Variants in STXBP4 observed in about 807,000 individuals in gnomAD.
STXBP4 encodes syntaxin-binding protein 4.
A neutral mutation model predicts 76.1 loss-of-function variants in STXBP4; 55 were observed. That is an observed-to-expected ratio of 0.72 (90% CI 0.58 to 0.91). STXBP4 has a LOEUF of 0.91. Ranked by LOEUF, STXBP4 falls within the 40% of genes least tolerant of loss-of-function variation. STXBP4 has a pLI of 0.00. For missense variants in STXBP4, 618 were observed against 636.9 expected, an observed-to-expected ratio of 0.97 and a Z score of 0.32; for synonymous variants, 201 against 220.2, an observed-to-expected ratio of 0.91 and a Z score of 0.77.
intron 16 of STXBP4, among the ~76,000 whole-genome samples, chr17:55,105,690 G>A (rs990854308): frequency 5.3e-5 from 8 of 151,408 alleles, no homozygotes; most frequent in East Asian, 3.9e-4. Context: ...GTGTTAGCCC[G>A]GATGATCTCG....
intron 13 of STXBP4, among the ~76,000 whole-genome samples, chr17:55,074,876 G>A (rs1418348901): frequency 6.6e-6 from 1 of 151,352 alleles, no homozygotes; most frequent in East Asian, 1.9e-4. Flanking sequence ...CCCAATATCA[G>A]TGGAAAAAAA....
At chr17:55,076,685 A>G (rs940608173) in intron 13 of STXBP4, among the ~76,000 whole-genome samples, 49 of 152,122 alleles carry the variant, frequency 3.2e-4, no homozygotes, top group African/African-American at 1.1e-3. Flanking sequence ...TCGAAGAGCA[A>G]TGTCTTCTGC....
In STXBP4 at chr17:55,164,838, C is replaced by G. The variant is rs537009397; in HGVS notation, c.*4927C>G. On this transcript the variant is annotated 3_prime_UTR_variant, in exon 18 of 18. Transcript: ENST00000376352. ...TAGTGGGAGTAATAATGGGAGTCAG[C>G]TTCGTGAGGGCAGGGATTTTGTCTT... 6.6e-6 allele frequency: 1 copy of G among 152,502 alleles called. No individual in the cohort carries two copies. Among genetic ancestry groups the G allele is most frequent in the South Asian group, 2.1e-4 (1 of 4,810 alleles). 9.4% of individuals were successfully genotyped at this position (152,502 alleles called of 1,614,324 possible). A position where few individuals can be genotyped will look rare whatever the true frequency, so the allele number is the denominator to read the frequency against.
the STXBP4 span, among the ~76,000 whole-genome samples, chr17:55,186,273 A>G: frequency 6.6e-6 from 1 of 152,230 alleles, no homozygotes; most frequent in Non-Finnish European, 1.5e-5. Flanking sequence ...ATGCATTTAA[A>G]TAGTGAATGC....
At chr17:55,111,944 C>A (rs1362644329) in intron 16 of STXBP4, among the ~76,000 whole-genome samples, 1 of 152,082 alleles carries the variant, frequency 6.6e-6, no homozygotes, top group Non-Finnish European at 1.5e-5. Context: ...TAGAGATGAT[C>A]TAACTCTGTC....
At chr17:55,055,318 GAAC>G in intron 12 of STXBP4, among the ~76,000 whole-genome samples, 1 of 152,216 alleles carries the variant, frequency 6.6e-6, no homozygotes, top group Non-Finnish European at 1.5e-5. Context: ...AGAGAAAAAT[GAAC>G]AACTGTCTCC....
chr17:55,105,618 C>T (rs536953472), intron 16 of STXBP4, among the ~76,000 whole-genome samples: 182 of 151,640 alleles, frequency 1.2e-3, no homozygotes, highest in African/African-American at 3.9e-3. Context: ...GACAGGCACC[C>T]GCCACCACAC....
rs1461527471 is a variant in STXBP4, at chr17:55,164,898, G to C, written c.*4987G>C. 6.6e-6 allele frequency: 1 copy of C among 152,204 alleles called. No homozygotes were observed. The highest frequency in any genetic ancestry group is 1.5e-5 in the Non-Finnish European group (1 of 68,028). 9.4% of individuals were successfully genotyped at this position (152,204 alleles called of 1,614,324 possible). A position where few individuals can be genotyped will look rare whatever the true frequency, so the allele number is the denominator to read the frequency against. Reference sequence around the variant, plus strand: ...ATTTACTCACTTACACACTTACCGAGAGCTACTAGAGGCCAGACACTTCAC... The same window carrying C: ...ATTTACTCACTTACACACTTACCGACAGCTACTAGAGGCCAGACACTTCAC... On this transcript the variant is annotated 3_prime_UTR_variant, in exon 18 of 18. Coordinates refer to ENST00000376352, the MANE Select transcript of STXBP4 (RefSeq NM_178509.6).
rs1039544965 is a variant in STXBP4, at chr17:54,999,693, A to C, written c.349A>C (p.Asn117His). 1.2e-6 allele frequency: 2 copies of C among 1,613,640 alleles called. No homozygotes were observed. Among genetic ancestry groups the C allele is most frequent in the African/African-American group, 2.7e-5 (2 of 74,896 alleles). The change falls in exon 6 of 18, where the codon AAT becomes CAT. Residue 117 changes from asparagine to histidine, a missense_variant. By Grantham distance (68) the Asn-to-His change is moderately conservative (BLOSUM62 1). Transcript: ENST00000376352. ...RQKSDNIQPE[N>H]LSCTSLIEAS... ...AAAATCCGACAACATTCAGCCAGAA[A>C]ATCTGTCATGTACATCACTTATAGA...
At chr17:55,133,590 T>C (rs541365364) in intron 16 of STXBP4, among the ~76,000 whole-genome samples, 1 of 152,124 alleles carries the variant, frequency 6.6e-6, no homozygotes. Flanking sequence ...GAACCAAGCC[T>C]TGGAGCAGTC....
intron 12 of STXBP4, among the ~76,000 whole-genome samples, chr17:55,066,520 G>A (rs2079053436): frequency 6.6e-6 from 1 of 151,800 alleles, no homozygotes. Flanking sequence ...CACTGTGCCT[G>A]GCCAAAAATT....
chr17:55,181,312 T>A, the STXBP4 span, among the ~76,000 whole-genome samples: 17 of 152,240 alleles, frequency 1.1e-4, no homozygotes, highest in African/African-American at 3.9e-4. Context: ...ACAAATTTTT[T>A]AAATAAATCT....
At chr17:55,193,815 G>GAAAAAAAA in the STXBP4 span, among the ~76,000 whole-genome samples, 2 of 105,880 alleles carry the variant, frequency 1.9e-5, no homozygotes, top group African/African-American at 7.3e-5. Context: ...CCTGATTTCA[G>GAAAAAAAA]AAAAAAAAAA....
chr17:55,182,413 A>G, the STXBP4 span, among the ~76,000 whole-genome samples: 2 of 152,186 alleles, frequency 1.3e-5, no homozygotes, highest in African/African-American at 2.4e-5. Flanking sequence ...AGAAGGAACA[A>G]AAGAATAAAA....
In STXBP4 at chr17:55,169,666, T is replaced by G. The variant is rs1004428856; in HGVS notation, c.*9755T>G. ...TTCCTGGTTTATCTCATAGCATACTTAAAATTCAGCTAAAGATGAAATGCC... is the reference window on the plus strand; with the variant it reads ...TTCCTGGTTTATCTCATAGCATACTGAAAATTCAGCTAAAGATGAAATGCC... On this transcript the variant is annotated 3_prime_UTR_variant, in exon 18 of 18. Coordinates refer to ENST00000376352, the MANE Select transcript of STXBP4 (RefSeq NM_178509.6). 3 of 152,266 alleles carry G rather than the reference T, an allele frequency of 2.0e-5. No homozygotes were observed. The highest frequency in any genetic ancestry group is 7.2e-5 in the African/African-American group (3 of 41,472). The allele number at this position is 152,266 out of a possible 1,614,324, so 9.4% of individuals were successfully genotyped here. A position where few individuals can be genotyped will look rare whatever the true frequency, so the allele number is the denominator to read the frequency against.
rs960231140 is a variant in STXBP4 at position 54,996,500 on chromosome 17, A to G, written c.181-2845A>G. Among the ~76,000 whole-genome samples the G allele has an allele frequency of 2.6e-5, 4 of 152,238 alleles. No individual in the cohort carries two copies. The South Asian group carries it at 6.2e-4, about 24-fold the overall frequency. ...TAATATAATTAAATTTGCTATCAGT[A>G]TGAAAATTGTCCACAACAGATATGG... On this transcript the variant is annotated intron_variant, in intron 4 of 17. Coordinates refer to ENST00000376352, the MANE Select transcript of STXBP4 (RefSeq NM_178509.6).
At chr17:55,051,217 A>C (rs2078854444) in intron 12 of STXBP4, among the ~76,000 whole-genome samples, 1 of 152,178 alleles carries the variant, frequency 6.6e-6, no homozygotes, top group South Asian at 2.1e-4. Context: ...CATTCGAAAA[A>C]TATATTAAAA....
downstream of STXBP4, among the ~76,000 whole-genome samples, chr17:55,176,872 T>C (rs1049888395): frequency 3.2e-4 from 49 of 152,046 alleles, no homozygotes; most frequent in African/African-American, 1.2e-3. Flanking sequence ...CCCTCAGACA[T>C]AATATTTCCT....
chr17:55,202,558 G>A, the STXBP4 span, among the ~76,000 whole-genome samples: 1 of 151,830 alleles, frequency 6.6e-6, no homozygotes, highest in African/African-American at 2.4e-5. Context: ...TCTTGCTCAG[G>A]GCAACACAGG....
Sources: gnomAD v4.1 joint callset for allele counts (sites outside exome capture counted in the v4.1 genomes callset) on GRCh38, gnomAD v4.1.1 for gene constraint, MANE v1.5 for transcripts, NCBI Gene and HGNC (gene_info 2026-07-23, HGNC 2026-07-21) for gene names.